The following S100Z variants were observed in gnomAD, a reference collection of about 807,000 sequenced individuals.
The protein encoded by S100Z is S100 calcium binding protein Z.
In S100Z, 11 loss-of-function variants were observed where a neutral mutation model predicts 8.5. That is an observed-to-expected ratio of 1.30 (90% CI 0.82 to 2.15). The LOEUF is 2.15. Among genes scored for constraint, S100Z ranks in the 30% most tolerant of loss-of-function variants. The pLI, the probability that S100Z is intolerant of heterozygous loss-of-function variation, is 0.00. For missense variants in S100Z, 126 were observed against 117.9 expected (o/e 1.07, Z -0.32); for synonymous variants, 34 against 43.8 (o/e 0.78, Z 0.89).
chr5:76,907,004 A>G lies in S100Z; in HGVS notation c.*3-13713A>G, dbSNP rs1375630112. ...TATATATATATATATATATATATATATATATATATATATATATATACATAT... is the reference window on the plus strand; with the variant it reads ...TATATATATATATATATATATATATGTATATATATATATATATATACATAT... On this transcript the variant is annotated intron_variant, in intron 4 of 4. Transcript: ENST00000317593. Among the ~76,000 whole-genome samples, 24 of 16,862 alleles carry G rather than the reference A, an allele frequency of 1.4e-3. 1 individual carries two copies. The East Asian group carries it at 0.018, about 12-fold the overall frequency. The allele number at this position is 16,862 out of a possible 152,430, so 11.1% of individuals were successfully genotyped here. A position where few individuals can be genotyped will look rare whatever the true frequency, so the allele number is the denominator to read the frequency against.
intron 4 of S100Z, among the ~76,000 whole-genome samples, chr5:76,909,737 C>T (rs1744583536): frequency 6.6e-6 from 1 of 152,144 alleles, no homozygotes; most frequent in Admixed American, 6.6e-5. Flanking sequence ...TACATGTCCC[C>T]TTCTCCCTCT....
At chr5:76,879,505 T>C (rs1743318370) in intron 4 of S100Z, among the ~76,000 whole-genome samples, 1 of 152,188 alleles carries the variant, frequency 6.6e-6, no homozygotes, top group Non-Finnish European at 1.5e-5. Flanking sequence ...TGTGGGCAGA[T>C]CAATAGCTCT....
the S100Z span, among the ~76,000 whole-genome samples, chr5:76,928,157 T>G: frequency 6.6e-6 from 1 of 152,196 alleles, no homozygotes; most frequent in African/African-American, 2.4e-5. Context: ...AAGGGTCTAG[T>G]TCACTGTCAT....
intron 4 of S100Z, among the ~76,000 whole-genome samples, chr5:76,910,261 T>C (rs1042312597): frequency 2.6e-5 from 4 of 152,192 alleles, no homozygotes; most frequent in Non-Finnish European, 5.9e-5. Context: ...TTCTAAAAGA[T>C]AAGTTTATTG....
intron 4 of S100Z, among the ~76,000 whole-genome samples, chr5:76,898,667 T>C (rs777666186): frequency 6.6e-6 from 1 of 152,190 alleles, no homozygotes; most frequent in Non-Finnish European, 1.5e-5. Context: ...TCATGATGAG[T>C]GATCTTTCTG....
rs768536477 is a variant in S100Z at position 76,870,847 on chromosome 5, C to T, written c.-57+563C>T. On this transcript the variant is annotated intron_variant, in intron 2 of 4. Transcript: ENST00000317593. ...TTTAAAAAATGAGGAGGAGGCTGGG[C>T]ACGCTGGCTCACATCTATAATCCCA... is the stretch of plus-strand genomic sequence containing the variant. 2.3e-4 allele frequency among the ~76,000 whole-genome samples: 35 copies of T among 152,094 alleles called. 1 individual carries two copies. The highest frequency in any genetic ancestry group is 6.5e-5 in the Admixed American group (1 of 15,268).
rs748858078 is a variant in S100Z at position 76,892,007 on chromosome 5, G to A, written c.*2+14173G>A. 9.9e-5 allele frequency among the ~76,000 whole-genome samples: 15 copies of A among 152,242 alleles called. No individual in the cohort carries two copies. The East Asian group carries it at 1.4e-3, about 14-fold the overall frequency. ...ATTTGCAGTTTTTCCAACCTAGTCC[G>A]AATGATTCAGAATGAAGGAGGAGGA... On this transcript the variant is annotated intron_variant, in intron 4 of 4. Coordinates refer to ENST00000317593, the MANE Select transcript of S100Z (RefSeq NM_130772.4).
At chr5:76,867,418 C>T (rs1490031293) in intron 1 of S100Z, among the ~76,000 whole-genome samples, 2 of 152,140 alleles carry the variant, frequency 1.3e-5, no homozygotes. Context: ...GGGGTATCCT[C>T]AGTCTAAGGA....
intron 4 of S100Z, among the ~76,000 whole-genome samples, chr5:76,916,819 T>C (rs1025837040): frequency 5.9e-5 from 9 of 152,184 alleles, no homozygotes; most frequent in Non-Finnish European, 1.3e-4. Flanking sequence ...ATGAAATCCC[T>C]GCATTAGAAA....
the S100Z span, among the ~76,000 whole-genome samples, chr5:76,940,315 C>T: frequency 3.3e-5 from 5 of 152,214 alleles, no homozygotes; most frequent in Admixed American, 2.6e-4. Flanking sequence ...GGTTTTGCAG[C>T]CTGGTGGAGA....
chr5:76,857,978 G>A (rs1400981456), intron 1 of S100Z, among the ~76,000 whole-genome samples: 1 of 152,170 alleles, frequency 6.6e-6, no homozygotes, highest in Non-Finnish European at 1.5e-5. Context: ...TGGCTTCTGG[G>A]AAGTTTTTAT....
intron 1 of S100Z, among the ~76,000 whole-genome samples, chr5:76,867,824 C>T (rs1400856108): frequency 6.6e-6 from 1 of 152,118 alleles, no homozygotes; most frequent in Non-Finnish European, 1.5e-5. Flanking sequence ...TCAGGTGATC[C>T]ACCCACCTTG....
chr5:76,916,618 A>G (rs1253656323), intron 4 of S100Z, among the ~76,000 whole-genome samples: 1 of 152,200 alleles, frequency 6.6e-6, no homozygotes, highest in Non-Finnish European at 1.5e-5. Context: ...ACAAACTAGA[A>G]ACCAATAACA....
At chr5:76,896,600 T>C (rs1432094647) in intron 4 of S100Z, among the ~76,000 whole-genome samples, 4 of 152,208 alleles carry the variant, frequency 2.6e-5, no homozygotes, top group African/African-American at 9.7e-5. Flanking sequence ...TTTTAGTTTT[T>C]TGAGAAACCT....
chr5:76,852,048 A>T (rs1579985752), intron 1 of S100Z, among the ~76,000 whole-genome samples: 1 of 144,746 alleles, frequency 6.9e-6, no homozygotes, highest in South Asian at 2.1e-4. Flanking sequence ...AAAATTTCTC[A>T]CTTTTTCTTT....
intron 4 of S100Z, among the ~76,000 whole-genome samples, chr5:76,899,624 A>G (rs1027196719): frequency 2.0e-5 from 3 of 152,204 alleles, no homozygotes; most frequent in Non-Finnish European, 2.9e-5. Flanking sequence ...GCAAAAACAT[A>G]AAAACTCTAT....
At chr5:76,882,990 G>C (rs1743468671) in intron 4 of S100Z, among the ~76,000 whole-genome samples, 1 of 152,188 alleles carries the variant, frequency 6.6e-6, no homozygotes, top group Non-Finnish European at 1.5e-5. Flanking sequence ...CGCAGATCCT[G>C]AACTAAGGTA....
At chr5:76,889,372 A>G (rs1237940708) in intron 4 of S100Z, among the ~76,000 whole-genome samples, 1 of 152,262 alleles carries the variant, frequency 6.6e-6, no homozygotes, top group African/African-American at 2.4e-5. Flanking sequence ...TTAAAAATTG[A>G]ACACATATGT....
At chr5:76,852,520 G>T (rs1750760550) in intron 1 of S100Z, among the ~76,000 whole-genome samples, 1 of 152,050 alleles carries the variant, frequency 6.6e-6, no homozygotes, top group Non-Finnish European at 1.5e-5. Flanking sequence ...GAATAGCCTG[G>T]CCAACATGGT....
Sources: allele counts gnomAD v4.1 joint callset (sites outside exome capture counted in the v4.1 genomes callset), GRCh38; gene constraint gnomAD v4.1.1; transcripts MANE v1.5; gene names NCBI Gene and HGNC (gene_info 2026-07-23, HGNC 2026-07-21).